ADAMTS12: variants seen among roughly 807,000 people sequenced by gnomAD.
The protein encoded by ADAMTS12 is ADAM metallopeptidase with thrombospondin type 1 motif 12, also known as A disintegrin and metalloproteinase with thrombospondin motifs 12.
In ADAMTS12, 118 loss-of-function variants were observed where a neutral mutation model predicts 167.8. That is an observed-to-expected ratio of 0.70 (90% confidence interval 0.61 to 0.82). The LOEUF is 0.82. ADAMTS12 is among the 40% of genes least tolerant of loss of function. The pLI, the probability that ADAMTS12 is intolerant of heterozygous loss-of-function variation, is 0.00. For synonymous variants in ADAMTS12, 704 were observed against 716.9 expected (o/e 0.98, Z 0.29); for missense variants, 1,916 against 1,998.8 (o/e 0.96, Z 0.79).
At chr5:33,569,220 G>A (rs1234053719) in intron 19 of ADAMTS12, among the ~76,000 whole-genome samples, 1 of 152,230 alleles carries the variant, frequency 6.6e-6, no homozygotes, top group African/African-American at 2.4e-5. Context: ...AATGTCCTGG[G>A]CTGACAGCTC....
chr5:33,863,075 C>T (rs993546801), intron 2 of ADAMTS12, among the ~76,000 whole-genome samples: 2 of 152,172 alleles, frequency 1.3e-5, no homozygotes, highest in Non-Finnish European at 2.9e-5. Context: ...GAGAAACCCA[C>T]AGCCAATATC....
chr5:33,622,873 G>C (rs931576250), intron 14 of ADAMTS12, among the ~76,000 whole-genome samples: 1 of 152,092 alleles, frequency 6.6e-6, no homozygotes, highest in Non-Finnish European at 1.5e-5. Flanking sequence ...AATTCAGAGA[G>C]TATTTTTCAT....
At chr5:33,658,470 A>C in intron 6 of ADAMTS12, 137 bp from the exon 7 acceptor site, 2 of 924,714 alleles carry the variant, frequency 2.2e-6, no homozygotes, top group Non-Finnish European at 1.6e-6. Context: ...GTCTACATGA[A>C]TGTAGGCAGC....
intron 2 of ADAMTS12, among the ~76,000 whole-genome samples, chr5:33,852,323 T>C (rs527591533): frequency 7.9e-5 from 12 of 152,302 alleles, no homozygotes; most frequent in Admixed American, 2.0e-4. Flanking sequence ...AAAGGCTGCT[T>C]GGAAGAAAGA....
At chr5:33,570,362 C>T (rs894258496) in intron 19 of ADAMTS12, among the ~76,000 whole-genome samples, 1 of 152,064 alleles carries the variant, frequency 6.6e-6, no homozygotes, top group Non-Finnish European at 1.5e-5. Flanking sequence ...TCGGGTTACC[C>T]ACAAAGGGAA....
intron 19 of ADAMTS12, 141 bp downstream of exon 19, chr5:33,575,913 G>T: frequency 8.4e-7 from 1 of 1,191,606 alleles, no homozygotes. Context: ...GGAGGGAGGG[G>T]AGGGCATGGG....
At chr5:33,722,085 G>A (rs75837826) in intron 3 of ADAMTS12, among the ~76,000 whole-genome samples, 5,747 of 152,260 alleles carry the variant, frequency 0.038, 226 homozygotes, top group East Asian at 0.18. Context: ...TCTGGCCACA[G>A]TGTTTCTCTT....
At chr5:33,717,505 A>C (rs1743656756) in intron 3 of ADAMTS12, among the ~76,000 whole-genome samples, 1 of 152,156 alleles carries the variant, frequency 6.6e-6, no homozygotes, top group Non-Finnish European at 1.5e-5. Context: ...GAGGGAAGTT[A>C]GTTTCTGGAT....
At chr5:33,658,067 C>A in intron 7 of ADAMTS12, 117 bp downstream of exon 7, 1 of 1,306,634 alleles carries the variant, frequency 7.7e-7, no homozygotes, top group Non-Finnish European at 1.1e-6. Flanking sequence ...GAGTCACAAG[C>A]CACAGTATAA....
intron 2 of ADAMTS12, among the ~76,000 whole-genome samples, chr5:33,765,881 A>G (rs1745512726): frequency 6.6e-6 from 1 of 152,224 alleles, no homozygotes; most frequent in South Asian, 2.1e-4. Context: ...TCTCTTTCAG[A>G]TGATGTGATT....
At chr5:33,860,869 G>A (rs1749583356) in intron 2 of ADAMTS12, among the ~76,000 whole-genome samples, 1 of 152,124 alleles carries the variant, frequency 6.6e-6, no homozygotes, top group Admixed American at 6.6e-5. Flanking sequence ...AAGAGTGGGG[G>A]CCGATATTCA....
intron 13 of ADAMTS12, 29 bp downstream of exon 13, chr5:33,630,751 G>A: frequency 6.3e-7 from 1 of 1,593,862 alleles, no homozygotes; most frequent in South Asian, 1.1e-5. Flanking sequence ...ATTTTATAAA[G>A]TTGTAGATTA....
intron 19 of ADAMTS12, among the ~76,000 whole-genome samples, chr5:33,568,743 C>G (rs148120013): frequency 6.6e-6 from 1 of 152,348 alleles, no homozygotes; most frequent in African/African-American, 2.4e-5. Flanking sequence ...AAAGTGGGCA[C>G]AGGACAGTGG....
chr5:33,859,822 C>T (rs1490282205), intron 2 of ADAMTS12, among the ~76,000 whole-genome samples: 6 of 152,192 alleles, frequency 3.9e-5, no homozygotes, highest in African/African-American at 1.4e-4. Context: ...GAACAGGTAA[C>T]AATCTTTGCT....
intron 2 of ADAMTS12, among the ~76,000 whole-genome samples, chr5:33,803,115 A>G (rs1387282906): frequency 6.6e-6 from 1 of 150,566 alleles, no homozygotes; most frequent in South Asian, 2.1e-4. Flanking sequence ...AGACTCATAC[A>G]TGATAAGGTA....
chr5:33,859,801 T>A (rs1749535893), intron 2 of ADAMTS12, among the ~76,000 whole-genome samples: 1 of 152,062 alleles, frequency 6.6e-6, no homozygotes, highest in African/African-American at 2.4e-5. Context: ...GGACAAAGCT[T>A]CCAGAGGAAG....
intron 17 of ADAMTS12, among the ~76,000 whole-genome samples, chr5:33,592,145 C>T (rs1382295732): frequency 1.3e-5 from 2 of 152,112 alleles, no homozygotes; most frequent in African/African-American, 4.8e-5. Flanking sequence ...AGGAGGATCG[C>T]TTGAACCTGG....
chr5:33,544,556 C>A (rs1375180544), intron 22 of ADAMTS12, among the ~76,000 whole-genome samples: 1 of 152,154 alleles, frequency 6.6e-6, no homozygotes, highest in African/African-American at 2.4e-5. Context: ...AGTGCCAAGT[C>A]AATCCTAAGC....
rs1221756731 is a variant in ADAMTS12, at chr5:33,576,246, T to C, written c.3780A>G (p.Ser1260=). 3.7e-6 allele frequency: 6 copies of C among 1,614,126 alleles called. No homozygotes were observed. Among genetic ancestry groups the C allele is most frequent in the Non-Finnish European group, 4.2e-6 (5 of 1,180,052 alleles). Residue 1260 remains serine (S), a synonymous_variant, in exon 19 of 24, where the codon TCA becomes TCG. Coordinates refer to ENST00000504830, the MANE Select transcript of ADAMTS12 (RefSeq NM_030955.4). The part of the protein sequence containing the change: ...PLGGDHQPEP[S]GKTANRNHLK... ...GGTGGTTACGGTTTGCCGTCTTTCC[T>C]GAGGGTTCTGGCTGGTGGTCTCCTC...
Sources: gnomAD v4.1 joint callset for allele counts (sites outside exome capture counted in the v4.1 genomes callset) on GRCh38, gnomAD v4.1.1 for gene constraint, MANE v1.5 for transcripts, NCBI Gene and HGNC (gene_info 2026-07-23, HGNC 2026-07-21) for gene names.